The following ADAP1 variants were observed in gnomAD, a reference collection of about 807,000 sequenced individuals.
ADAP1 encodes ArfGAP with dual PH domains 1.
A neutral mutation model predicts 54.9 loss-of-function variants in ADAP1; 31 were observed. The ratio of observed to expected loss-of-function variants is 0.56; its 90% CI spans 0.42 to 0.76. The LOEUF is 0.76. ADAP1 is among the 30% of genes least tolerant of loss of function. The pLI, the probability that ADAP1 is intolerant of heterozygous loss-of-function variation, is 0.00. For synonymous variants in ADAP1, 313 were observed against 202.6 expected (o/e 1.55, Z -4.63); for missense variants, 535 against 512.4 (o/e 1.04, Z -0.42).
At chr7:929,021 C>T (rs889770845) in intron 2 of ADAP1, among the ~76,000 whole-genome samples, 3 of 152,160 alleles carry the variant, frequency 2.0e-5, no homozygotes, top group Non-Finnish European at 4.4e-5. Context: ...CGGCCGGGCG[C>T]GGGGGCTCAC....
chr7:934,710 C>T (rs763478358), intron 2 of ADAP1, among the ~76,000 whole-genome samples: 5 of 152,190 alleles, frequency 3.3e-5, no homozygotes, highest in Admixed American at 6.5e-5. Flanking sequence ...CTCCAGCATG[C>T]GTGGCCCCTC....
intron 4 of ADAP1, among the ~76,000 whole-genome samples, chr7:907,017 C>A (rs1393035064): frequency 1.3e-5 from 2 of 152,134 alleles, no homozygotes; most frequent in East Asian, 3.9e-4. Context: ...CTGGGTCCAA[C>A]CTCGTGCTGC....
intron 4 of ADAP1, among the ~76,000 whole-genome samples, chr7:915,844 TG>T (rs1250339350): frequency 6.6e-6 from 1 of 151,008 alleles, no homozygotes; most frequent in Non-Finnish European, 1.5e-5. Context: ...GCCACCCGCC[TG>T]CAGAACCCAG....
chr7:913,912 G>A (rs576972504), intron 4 of ADAP1, among the ~76,000 whole-genome samples: 3 of 152,344 alleles, frequency 2.0e-5, no homozygotes, highest in African/African-American at 7.2e-5. Flanking sequence ...CGCAGCCTGG[G>A]CAACAGAGCA....
intron 1 of ADAP1, among the ~76,000 whole-genome samples, chr7:937,209 C>T (rs1846795161): frequency 1.6e-5 from 1 of 63,922 alleles, no homozygotes; most frequent in African/African-American, 6.8e-5. Context: ...CGCCCGACCT[C>T]TGGGATTTGG....
chr7:900,247 C>A, intron 7 of ADAP1, 83 bp from the exon 8 acceptor site: 1 of 1,546,272 alleles, frequency 6.5e-7, no homozygotes. Context: ...TCTGTGCTCC[C>A]CTCACCCCGG....
chr7:940,304 C>T (rs544152917), intron 1 of ADAP1, among the ~76,000 whole-genome samples: 12 of 150,286 alleles, frequency 8.0e-5, no homozygotes, highest in African/African-American at 2.7e-4. Flanking sequence ...CACGACTACA[C>T]TCCAGCCTGG....
At chr7:906,723 C>CG (rs57845035) in intron 4 of ADAP1, among the ~76,000 whole-genome samples, 8 of 18,452 alleles carry the variant, frequency 4.3e-4, no homozygotes, top group African/African-American at 2.1e-3. Context: ...ACATCGGGGA[C>CG]GGGACATGGG....
Position 899,193 on chromosome 7 carries a change from G to A in ADAP1, c.936C>T (p.Phe312=). ...KESGYTVLHG[F]PPSTQGHHWP... Reference sequence around the variant, plus strand: ...AGTGGTGGCCCTGGGTGGACGGCGGGAACCCATGCAGCACCGTGTAGCCAC... The same window carrying A: ...AGTGGTGGCCCTGGGTGGACGGCGGAAACCCATGCAGCACCGTGTAGCCAC... Residue 312 remains phenylalanine, a synonymous_variant, in exon 10 of 11, where the codon TTC becomes TTT. Transcript: ENST00000265846. The A allele has an allele frequency of 6.2e-7, 1 of 1,612,500 alleles. No individual in the cohort carries two copies. Among genetic ancestry groups the A allele is most frequent in the South Asian group, 1.1e-5 (1 of 91,090 alleles).
intron 4 of ADAP1, among the ~76,000 whole-genome samples, chr7:913,619 T>TC (rs1312836778): frequency 1.3e-5 from 2 of 152,020 alleles, no homozygotes. Context: ...CTCAAATTAC[T>TC]CCCCCAGCTT....
rs113659820 is a variant in ADAP1 at position 917,574 on chromosome 7, C to A, written c.388+2394G>T. Among the ~76,000 whole-genome samples, 452 of 152,278 alleles carry A rather than the reference C, an allele frequency of 3.0e-3. 4 individuals are homozygous for A. The highest frequency in any genetic ancestry group is 0.01 in the African/African-American group (429 of 41,538). ...CCGCCTTCCAGGTTCAAGCGATTCT[C>A]CTGCATCAGCCTGCCGAGGAGCTGG... is the stretch of plus-strand genomic sequence containing the variant. On this transcript the variant is annotated intron_variant, in intron 4 of 10. Transcript: ENST00000265846.
In ADAP1 at chr7:954,517, C is replaced by A. The variant is rs1439854903; in HGVS notation, c.-40G>T. The A allele has an allele frequency of 3.0e-6, 3 of 1,006,428 alleles. No homozygotes were observed. Among genetic ancestry groups the A allele is most frequent in the South Asian group, 4.3e-5 (1 of 23,098 alleles). 62.3% of individuals were successfully genotyped at this position (1,006,428 alleles called of 1,614,324 possible). A position where few individuals can be genotyped will look rare whatever the true frequency, so the allele number is the denominator to read the frequency against. On this transcript the variant is annotated 5_prime_UTR_variant, in exon 1 of 11. Coordinates refer to ENST00000265846, the MANE Select transcript of ADAP1 (RefSeq NM_006869.4). Reference sequence around the variant, plus strand: ...CGCGATGCCGATGCCGGGGCCGGGGCCGGGAGCGTCAGCCCGGCTCGCTAG... The same window carrying A: ...CGCGATGCCGATGCCGGGGCCGGGGACGGGAGCGTCAGCCCGGCTCGCTAG...
intron 8 of ADAP1, 131 bp from the exon 9 acceptor site, chr7:899,621 C>T (rs536229025): frequency 6.5e-5 from 67 of 1,023,968 alleles, no homozygotes; most frequent in Non-Finnish European, 8.2e-5. Context: ...TCACGCCTGC[C>T]GCTGGCCACG....
At chr7:912,221 G>A (rs1016815128) in intron 4 of ADAP1, among the ~76,000 whole-genome samples, 5 of 152,176 alleles carry the variant, frequency 3.3e-5, no homozygotes, top group South Asian at 2.1e-4. Flanking sequence ...CACGGGGTCC[G>A]GAGCCTAGAG....
At chr7:906,737 CAGAGT>C (rs1845445677) in intron 4 of ADAP1, among the ~76,000 whole-genome samples, 2 of 37,336 alleles carry the variant, frequency 5.4e-5, no homozygotes, top group African/African-American at 2.1e-4. Flanking sequence ...ACATGGGGGA[CAGAGT>C]ACATAGGGGA....
chr7:904,953 A>C, intron 5 of ADAP1, 107 bp downstream of exon 5: 2 of 923,122 alleles, frequency 2.2e-6, no homozygotes, highest in Non-Finnish European at 3.4e-6. Flanking sequence ...CGGGGGGGGC[A>C]GCAGGGAGGG....
chr7:904,623 C>T (rs555778883), intron 5 of ADAP1, among the ~76,000 whole-genome samples: 72 of 152,344 alleles, frequency 4.7e-4, no homozygotes, highest in African/African-American at 1.3e-3. Flanking sequence ...CGGCTCAGGG[C>T]GGGTGCTTCT....
chr7:901,135 G>A (rs540282080), intron 6 of ADAP1: 43 of 424,914 alleles, frequency 1.0e-4, no homozygotes, highest in Middle Eastern at 7.3e-4. Context: ...CCAGGGAGCC[G>A]CCCTGGTCCT....
intron 4 of ADAP1, chr7:905,622 G>GGAAAGGAGAAAGGAGAAAGGAGAAAGGA (rs1562912456): frequency 1.3e-4 from 5 of 37,600 alleles, no homozygotes; most frequent in Admixed American, 5.4e-4. Flanking sequence ...AAGGAGAAAG[G>GGAAAGGAGAAAGGAGAAAGGAGAAAGGA]GAAAGGAGAA....
Sources: allele counts gnomAD v4.1 joint callset (sites outside exome capture counted in the v4.1 genomes callset), GRCh38; gene constraint gnomAD v4.1.1; transcripts MANE v1.5; gene names NCBI Gene and HGNC (gene_info 2026-07-23, HGNC 2026-07-21).